Variants in DNAJC1 observed in about 807,000 individuals in gnomAD.
DNAJC1 encodes the protein dnaJ homolog subfamily C member 1.
A neutral mutation model predicts 76.6 loss-of-function variants in DNAJC1; 58 were observed. That is an observed-to-expected ratio of 0.76 (90% CI 0.61 to 0.94). The LOEUF (loss-of-function observed/expected upper bound fraction) is 0.94. DNAJC1 is among the 40% of genes least tolerant of loss of function. The pLI, the probability that DNAJC1 is intolerant of heterozygous loss-of-function variation, is 0.00. For missense variants in DNAJC1, 689 were observed against 677.3 expected (o/e 1.02, Z -0.19); for synonymous variants, 258 against 267.9 (o/e 0.96, Z 0.36).
At chr10:21,761,013 T>C (rs1834234303) in intron 10 of DNAJC1, among the ~76,000 whole-genome samples, 1 of 152,218 alleles carries the variant, frequency 6.6e-6, no homozygotes, top group South Asian at 2.1e-4. Flanking sequence ...ACCCCGTCTC[T>C]ACTAAAAATA....
intron 8 of DNAJC1, among the ~76,000 whole-genome samples, chr10:21,811,853 A>G (rs951857053): frequency 2.6e-5 from 4 of 152,152 alleles, no homozygotes; most frequent in African/African-American, 9.7e-5. Flanking sequence ...TCATTGGGAA[A>G]ACGTACGTCT....
At chr10:21,789,051 C>CG (rs1834648039) in intron 9 of DNAJC1, among the ~76,000 whole-genome samples, 1 of 138,222 alleles carries the variant, frequency 7.2e-6, no homozygotes, top group Non-Finnish European at 1.5e-5. Flanking sequence ...TCTGAGCACC[C>CG]GCACCTGGAA....
At chr10:21,789,496 C>T (rs955346072) in intron 9 of DNAJC1, among the ~76,000 whole-genome samples, 1 of 151,872 alleles carries the variant, frequency 6.6e-6, no homozygotes. Context: ...AAGAGGAACA[C>T]GACTCTTCAA....
chr10:21,817,004 A>T (rs1685788650), intron 8 of DNAJC1, among the ~76,000 whole-genome samples: 1 of 149,512 alleles, frequency 6.7e-6, no homozygotes, highest in Admixed American at 6.6e-5. Context: ...AATACAAAAA[A>T]AAAAAATTAG....
In DNAJC1 at chr10:22,003,349, G is replaced by A; in HGVS notation, c.86C>T (p.Thr29Met). ...LVPFPPPPPR[T>M]PLLWLLLLLL... ...CAGCAGCAGCAGCCACAGCAGCGGC[G>A]TCCGCGGCGGCGGCGGCGGGAACGG... The change falls in exon 1 of 12, where the codon ACG (threonine) becomes ATG (methionine). Residue 29 changes from threonine (T) to methionine (M), a missense_variant. Physicochemically the swap from Thr to Met is moderately conservative, Grantham distance 81. Transcript: ENST00000376980. 1 of 1,435,196 alleles carries A rather than the reference G, an allele frequency of 7.0e-7. No homozygotes were observed. Among genetic ancestry groups the A allele is most frequent in the Admixed American group, 3.3e-5 (1 of 30,312 alleles). The allele number at this position is 1,435,196 out of a possible 1,614,324, so 88.9% of individuals were successfully genotyped here.
intron 7 of DNAJC1, among the ~76,000 whole-genome samples, chr10:21,893,815 T>G (rs918871810): frequency 6.7e-6 from 1 of 150,244 alleles, no homozygotes. Flanking sequence ...AGGAAGGAAG[T>G]AATAAAAATA....
rs1837986249 is a variant in DNAJC1, at chr10:21,971,946, C to CTAT, written c.222+31264_222+31266dup. On this transcript the variant is annotated intron_variant, in intron 1 of 11. Transcript: ENST00000376980. Reference sequence around the variant, plus strand: ...CTCAGAAAAACTCAAAAATTGGACTCTATAATTTAAGCTCACCCTCTCTCA... The same window carrying CTAT: ...CTCAGAAAAACTCAAAAATTGGACTCTATTATAATTTAAGCTCACCCTCTCTCA... 2.0e-5 allele frequency among the ~76,000 whole-genome samples: 3 copies of CTAT among 151,918 alleles called. No homozygotes were observed. The South Asian group carries it at 6.2e-4, about 31-fold the overall frequency.
intron 6 of DNAJC1, among the ~76,000 whole-genome samples, chr10:21,911,504 T>G (rs914195522): frequency 1.3e-5 from 2 of 152,066 alleles, no homozygotes; most frequent in Admixed American, 6.5e-5. Context: ...TAAGACTAAA[T>G]CCACAAAAAG....
At chr10:21,968,504 CTTT>C (rs748589532) in intron 1 of DNAJC1, among the ~76,000 whole-genome samples, 2 of 144,464 alleles carry the variant, frequency 1.4e-5, no homozygotes, top group Non-Finnish European at 3.1e-5. Context: ...CATGACATAT[CTTT>C]TTTTTTTTTT....
intron 8 of DNAJC1, among the ~76,000 whole-genome samples, chr10:21,871,322 A>C (rs1836100605): frequency 6.6e-6 from 1 of 150,910 alleles, no homozygotes; most frequent in Non-Finnish European, 1.5e-5. Context: ...GCTGACATTA[A>C]GGCTATGTAG....
chr10:21,934,800 A>G (rs1346264679), intron 1 of DNAJC1, among the ~76,000 whole-genome samples: 1 of 152,202 alleles, frequency 6.6e-6, no homozygotes, highest in Non-Finnish European at 1.5e-5. Flanking sequence ...TGCATTTCTC[A>G]GAATGCATCC....
rs1206521255 is a variant in DNAJC1, at chr10:21,893,394, AGGTG to A, written c.821-10959_821-10956del. ...GTAATTCGAGCACTTTGGAAGGCCA[AGGTG>A]GGTGGATCACTTGAGGTCAGGAGTT... On this transcript the variant is annotated intron_variant, in intron 7 of 11. Coordinates refer to ENST00000376980, the MANE Select transcript of DNAJC1 (RefSeq NM_022365.4). Among the ~76,000 whole-genome samples, 7 of 152,298 alleles carry A rather than the reference AGGTG, an allele frequency of 4.6e-5. No individual in the cohort carries two copies. In the East Asian group the frequency reaches 1.4e-3, roughly 29 times the overall value.
At chr10:21,854,163 A>AGTCTCAAGTCTT in intron 8 of DNAJC1, among the ~76,000 whole-genome samples, 1 of 152,268 alleles carries the variant, frequency 6.6e-6, no homozygotes, top group South Asian at 2.1e-4. Context: ...GAGAAGAGAA[A>AGTCTCAAGTCTT]TATAAGTCAC....
At chr10:21,956,044 G>C (rs1197541801) in intron 1 of DNAJC1, among the ~76,000 whole-genome samples, 1 of 152,146 alleles carries the variant, frequency 6.6e-6, no homozygotes, top group Admixed American at 6.5e-5. Context: ...CAATACCCGA[G>C]ACTGCGTAAT....
chr10:21,871,767 C>T (rs982599451), intron 8 of DNAJC1, among the ~76,000 whole-genome samples: 1 of 151,594 alleles, frequency 6.6e-6, no homozygotes, highest in Admixed American at 6.6e-5. Context: ...TGTGGTTAAG[C>T]CTCCTGAGGA....
At chr10:21,973,263 T>C (rs1838008618) in intron 1 of DNAJC1, among the ~76,000 whole-genome samples, 1 of 152,150 alleles carries the variant, frequency 6.6e-6, no homozygotes, top group Non-Finnish European at 1.5e-5. Flanking sequence ...TGAAGGCAAA[T>C]GTAGCACCAA....
At chr10:21,800,452 A>G (rs1834800779) in intron 9 of DNAJC1, among the ~76,000 whole-genome samples, 1 of 152,220 alleles carries the variant, frequency 6.6e-6, no homozygotes. Context: ...ACAAGCTAAT[A>G]AAATAGATAT....
chr10:21,967,884 T>G (rs1288606137), intron 1 of DNAJC1, among the ~76,000 whole-genome samples: 1 of 152,184 alleles, frequency 6.6e-6, no homozygotes, highest in African/African-American at 2.4e-5. Context: ...CACAATCCAC[T>G]GCCAAAACCT....
chr10:21,919,438 T>C (rs1047561088), intron 5 of DNAJC1, among the ~76,000 whole-genome samples: 2 of 151,976 alleles, frequency 1.3e-5, no homozygotes, highest in Non-Finnish European at 2.9e-5. Flanking sequence ...TTTAAACCCT[T>C]TATTCCTTTC....
Sources: gnomAD v4.1 joint callset for allele counts (sites outside exome capture counted in the v4.1 genomes callset) on GRCh38, gnomAD v4.1.1 for gene constraint, MANE v1.5 for transcripts, NCBI Gene and HGNC (gene_info 2026-07-23, HGNC 2026-07-21) for gene names.